The following USP7 variants were observed in gnomAD, a reference collection of about 807,000 sequenced individuals.
USP7 encodes the protein ubiquitin C-terminal hydrolase 7.
Under a neutral mutation model 162.9 loss-of-function variants are expected in USP7, and 9 were observed. The ratio of observed to expected loss-of-function variants is 0.06; its 90% CI spans 0.03 to 0.10. The LOEUF (loss-of-function observed/expected upper bound fraction) is 0.10. Among genes scored for constraint, USP7 ranks in the 10% least tolerant of loss-of-function variants. The pLI is 1.00. For missense variants in USP7, 715 were observed against 1,373.7 expected (o/e 0.52, Z 7.58); for synonymous variants, 562 against 475.9 (o/e 1.18, Z -2.35).
intron 1 of USP7, among the ~76,000 whole-genome samples, chr16:8,940,202 T>C (rs2141248273): frequency 6.6e-6 from 1 of 152,304 alleles, no homozygotes; most frequent in Admixed American, 6.5e-5. Context: ...CTGCTGCCTA[T>C]CTACGCATCC....
chr16:8,943,123 C>T (rs1899123927), intron 1 of USP7, among the ~76,000 whole-genome samples: 1 of 152,108 alleles, frequency 6.6e-6, no homozygotes, highest in African/African-American at 2.4e-5. Context: ...CCAAAGAAGG[C>T]CACATATAAT....
At chr16:8,921,548 A>G (rs1897690164) in intron 3 of USP7, among the ~76,000 whole-genome samples, 2 of 152,170 alleles carry the variant, frequency 1.3e-5, no homozygotes, top group African/African-American at 4.8e-5. Context: ...GTTGAAACAA[A>G]TTTTCTTTCA....
chr16:8,933,598 C>G (rs1898503820), intron 1 of USP7, among the ~76,000 whole-genome samples: 1 of 152,154 alleles, frequency 6.6e-6, no homozygotes, highest in Non-Finnish European at 1.5e-5. Flanking sequence ...TGCACACACT[C>G]ACACTATGTG....
chr16:8,959,239 A>C (rs1237215015), intron 1 of USP7, among the ~76,000 whole-genome samples: 1 of 152,180 alleles, frequency 6.6e-6, no homozygotes, highest in East Asian at 1.9e-4. Flanking sequence ...ATTAGATGGC[A>C]AAACCCAGAT....
intron 10 of USP7, among the ~76,000 whole-genome samples, chr16:8,911,550 C>T (rs16964672): frequency 0.023 from 3,469 of 152,310 alleles, 45 homozygotes; most frequent in Non-Finnish European, 0.036. Flanking sequence ...AGCGCTGTCA[C>T]GCTCCGGACA....
chr16:8,899,101 T>C lies in USP7; in HGVS notation c.2531+20A>G. 1.9e-6 allele frequency: 3 copies of C among 1,613,646 alleles called. No individual in the cohort carries two copies. The highest frequency in any genetic ancestry group is 2.5e-6 in the Non-Finnish European group (3 of 1,179,716). On this transcript the variant is annotated intron_variant, in intron 23 of 30. Transcript: ENST00000344836. Reference sequence around the variant, plus strand: ...AAGCATGCAGTCAAGACCAAGCAAGTGTCCACACATGTGACCTACCCTTGA... The same window carrying C: ...AAGCATGCAGTCAAGACCAAGCAAGCGTCCACACATGTGACCTACCCTTGA...
At chr16:8,941,129 GC>G (rs1194079951) in intron 1 of USP7, among the ~76,000 whole-genome samples, 2 of 149,096 alleles carry the variant, frequency 1.3e-5, no homozygotes, top group Admixed American at 1.3e-4. Flanking sequence ...TGGGGCCCAT[GC>G]CCCATGCCCA....
chr16:8,929,775 T>C (rs907397580), intron 2 of USP7, among the ~76,000 whole-genome samples: 1 of 152,186 alleles, frequency 6.6e-6, no homozygotes, highest in African/African-American at 2.4e-5. Flanking sequence ...CACATACATA[T>C]GAGTATGCTT....
At chr16:8,950,148 T>A (rs1042189831) in intron 1 of USP7, among the ~76,000 whole-genome samples, 1 of 152,232 alleles carries the variant, frequency 6.6e-6, no homozygotes, top group South Asian at 2.1e-4. Flanking sequence ...AATATGGCCA[T>A]GGAGACCAAA....
chr16:8,961,886 C>A (rs1002963663), intron 1 of USP7, among the ~76,000 whole-genome samples: 4 of 152,162 alleles, frequency 2.6e-5, no homozygotes, highest in African/African-American at 9.7e-5. Context: ...ATAACCCAGT[C>A]CTTGGCGTGG....
intron 1 of USP7, among the ~76,000 whole-genome samples, chr16:8,954,644 G>A (rs145567651): frequency 1.5e-3 from 235 of 152,308 alleles, no homozygotes; most frequent in African/African-American, 5.1e-3. Flanking sequence ...AACTAAATAC[G>A]AAGGTATGTA....
intron 1 of USP7, among the ~76,000 whole-genome samples, chr16:8,960,096 C>A (rs1000785293): frequency 3.9e-5 from 6 of 152,238 alleles, no homozygotes; most frequent in Non-Finnish European, 8.8e-5. Flanking sequence ...ATGCAAGTCA[C>A]TCCTTCAGCC....
At position 8,923,425 on chromosome 16, in the gene USP7, A is replaced by AG; in HGVS notation, c.185-13_185-12insC. The AG allele has an allele frequency of 6.2e-7, 1 of 1,613,746 alleles. No homozygotes were observed. Among genetic ancestry groups the AG allele is most frequent in the Non-Finnish European group, 8.5e-7 (1 of 1,179,762 alleles). Reference sequence around the variant, plus strand: ...GCGCCAACTGGTGTCTGCAAAAAAAACACATCATCAGTCACAGAGCCTGTG... The same window carrying AG: ...GCGCCAACTGGTGTCTGCAAAAAAAAGCACATCATCAGTCACAGAGCCTGTG... On this transcript the variant is annotated splice_polypyrimidine_tract_variant and intron_variant, in intron 2 of 30. Coordinates refer to ENST00000344836, the MANE Select transcript of USP7 (RefSeq NM_003470.3).
rs1169748048 is a variant in USP7, at chr16:8,899,201, A to C, written c.2464-13T>G. The C allele has an allele frequency of 6.2e-7, 1 of 1,613,128 alleles. No homozygotes were observed. Among genetic ancestry groups the C allele is most frequent in the Non-Finnish European group, 8.5e-7 (1 of 1,179,782 alleles). The stretch of plus-strand genomic sequence containing the variant: ...CTGTCTTTGCAACCTAAGACACAGA[A>C]AGGAAGGTTCACATTTTGGGGAAAA... On this transcript the variant is annotated splice_polypyrimidine_tract_variant and intron_variant, in intron 22 of 30. Transcript: ENST00000344836.
chr16:8,946,354 G>A (rs1696016223), intron 1 of USP7, among the ~76,000 whole-genome samples: 1 of 152,166 alleles, frequency 6.6e-6, no homozygotes. Context: ...GCTGAGGCAG[G>A]AGGATCACTT....
intron 21 of USP7, chr16:8,900,174 ACTGG>A: frequency 3.0e-6 from 1 of 333,878 alleles, no homozygotes; most frequent in Non-Finnish European, 5.5e-6. Context: ...AAGACCAAAG[ACTGG>A]CTGGTTTACA....
intron 11 of USP7, among the ~76,000 whole-genome samples, chr16:8,909,868 G>A (rs1194476701): frequency 6.6e-6 from 1 of 152,180 alleles, no homozygotes; most frequent in Non-Finnish European, 1.5e-5. Context: ...AGAGGTTGCA[G>A]TGAGTCGAGA....
chr16:8,902,961 T>C (rs2061800248), intron 16 of USP7, among the ~76,000 whole-genome samples: 1 of 152,238 alleles, frequency 6.6e-6, no homozygotes, highest in Admixed American at 6.5e-5. Flanking sequence ...GACTTATCCT[T>C]CAGGATCGAA....
At chr16:8,904,927 G>C (rs928913170) in intron 14 of USP7, among the ~76,000 whole-genome samples, 3 of 152,074 alleles carry the variant, frequency 2.0e-5, no homozygotes, top group African/African-American at 7.2e-5. Flanking sequence ...AGCCGAGATC[G>C]CGCCACTGCA....
Sources: allele counts gnomAD v4.1 joint callset (sites outside exome capture counted in the v4.1 genomes callset), GRCh38; gene constraint gnomAD v4.1.1; transcripts MANE v1.5; gene names NCBI Gene and HGNC (gene_info 2026-07-23, HGNC 2026-07-21).